Variants in ADGRV1 observed in about 807,000 individuals in gnomAD.
ADGRV1 encodes G-protein coupled receptor 98.
Under a neutral mutation model 596.2 loss-of-function variants are expected in ADGRV1, and 359 were observed. The ratio of observed to expected loss-of-function variants is 0.60; its 90% confidence interval spans 0.55 to 0.66. The LOEUF is 0.66. Among genes scored for constraint, ADGRV1 ranks in the 30% least tolerant of loss-of-function variants. The pLI is 0.00. For synonymous variants in ADGRV1, 2,681 were observed against 2,679.2 expected (o/e 1.00, Z -0.02); for missense variants, 7,274 against 7,575.6 (o/e 0.96, Z 1.48).
intron 86 of ADGRV1, among the ~76,000 whole-genome samples, chr5:91,076,213 A>G (rs1264420939): frequency 6.6e-6 from 1 of 152,202 alleles, no homozygotes; most frequent in Non-Finnish European, 1.5e-5. Flanking sequence ...GAAACTTTCA[A>G]TATTCTCCCC....
intron 83 of ADGRV1, among the ~76,000 whole-genome samples, chr5:90,894,822 G>T (rs1227705806): frequency 6.6e-6 from 1 of 152,208 alleles, no homozygotes; most frequent in East Asian, 1.9e-4. Context: ...TCCATATTAA[G>T]AAGCAATGTC....
At chr5:90,963,147 A>G (rs1243991183) in intron 83 of ADGRV1, among the ~76,000 whole-genome samples, 1 of 152,176 alleles carries the variant, frequency 6.6e-6, no homozygotes, top group Non-Finnish European at 1.5e-5. Context: ...GCTTGAATTT[A>G]TTGTATGTAA....
chr5:90,602,855 A>G (rs1373383406), intron 1 of ADGRV1, among the ~76,000 whole-genome samples: 7 of 152,256 alleles, frequency 4.6e-5, no homozygotes, highest in South Asian at 2.1e-4. Context: ...CTGGGTGGTT[A>G]AAAGATTTGT....
At chr5:90,940,757 GAC>G (rs958709318) in intron 83 of ADGRV1, among the ~76,000 whole-genome samples, 6 of 152,176 alleles carry the variant, frequency 3.9e-5, no homozygotes, top group African/African-American at 1.4e-4. Flanking sequence ...AGTTAGTAGT[GAC>G]ACAGAGAAAA....
At chr5:90,923,086 A>T (rs889665093) in intron 83 of ADGRV1, among the ~76,000 whole-genome samples, 8 of 152,212 alleles carry the variant, frequency 5.3e-5, no homozygotes, top group African/African-American at 1.4e-4. Context: ...ATTTATTTCT[A>T]TGAGAAATAG....
At chr5:91,136,094 G>T (rs1403483925) in intron 87 of ADGRV1, among the ~76,000 whole-genome samples, 1 of 152,256 alleles carries the variant, frequency 6.6e-6, no homozygotes, top group East Asian at 1.9e-4. Flanking sequence ...TGTTCAGTAT[G>T]CCTGTAGTGG....
chr5:90,604,631 T>C (rs1373301505), intron 1 of ADGRV1, among the ~76,000 whole-genome samples: 1 of 152,198 alleles, frequency 6.6e-6, no homozygotes, highest in African/African-American at 2.4e-5. Context: ...TAAGACCGCT[T>C]CATAATATGT....
chr5:91,002,074 G>C (rs1781898711), intron 85 of ADGRV1, among the ~76,000 whole-genome samples: 2 of 152,014 alleles, frequency 1.3e-5, no homozygotes, highest in African/African-American at 2.4e-5. Context: ...TCACCTTCAT[G>C]AATGCTTATA....
intron 57 of ADGRV1, among the ~76,000 whole-genome samples, chr5:90,758,210 G>A (rs1756049517): frequency 1.3e-5 from 2 of 152,104 alleles, no homozygotes; most frequent in African/African-American, 2.4e-5. Flanking sequence ...GCGGGCACCT[G>A]TAGTCCCAGC....
chr5:91,032,192 G>A (rs1309911713), intron 85 of ADGRV1, among the ~76,000 whole-genome samples: 2 of 152,200 alleles, frequency 1.3e-5, no homozygotes, highest in Non-Finnish European at 2.9e-5. Context: ...GGAGCAAGCT[G>A]GGCATGTCTG....
intron 23 of ADGRV1, 125 bp downstream of exon 23, chr5:90,674,359 A>C (rs979156669): frequency 1.5e-5 from 8 of 532,490 alleles, no homozygotes; most frequent in Non-Finnish European, 2.2e-5. Context: ...CTAATTTCTA[A>C]ACTCTTTAAC....
At position 90,692,616 on chromosome 5, in the gene ADGRV1, G is replaced by A. The variant is rs1221662650; in HGVS notation, c.6963G>A (p.Val2321=). The part of the protein sequence containing the change: ...DVPEIEEVIQ[V]QLTDASGGGT... ...CACTGTATTTTTAGGTTATCCAAGTGCAACTAACTGATGCCTCTGGTGGAG... is the reference window on the plus strand; with the variant it reads ...CACTGTATTTTTAGGTTATCCAAGTACAACTAACTGATGCCTCTGGTGGAG... Residue 2321 remains valine, a synonymous_variant, in exon 32 of 90, where the codon GTG becomes GTA. Transcript: ENST00000405460. 2 of 1,607,826 alleles carry A rather than the reference G, an allele frequency of 1.2e-6. No homozygotes were observed. The highest frequency in any genetic ancestry group is 1.1e-5 in the South Asian group (1 of 89,578).
chr5:90,809,274 A>T, intron 73 of ADGRV1, among the ~76,000 whole-genome samples: 1 of 137,898 alleles, frequency 7.3e-6, no homozygotes, highest in African/African-American at 2.7e-5. Flanking sequence ...TACAGTGCTT[A>T]CTCTAGGCCG....
intron 85 of ADGRV1, among the ~76,000 whole-genome samples, chr5:91,000,682 G>GTA (rs1781783826): frequency 6.6e-6 from 1 of 151,290 alleles, no homozygotes; most frequent in Non-Finnish European, 1.5e-5. Flanking sequence ...GTGTGTGTGT[G>GTA]TGTGTGTGTG....
At chr5:90,577,712 T>C (rs1232416071) in intron 1 of ADGRV1, among the ~76,000 whole-genome samples, 5 of 152,246 alleles carry the variant, frequency 3.3e-5, no homozygotes, top group Non-Finnish European at 7.3e-5. Context: ...TTGGGCATTA[T>C]GGCCATTTTC....
At chr5:91,002,310 A>G (rs1288817392) in intron 85 of ADGRV1, among the ~76,000 whole-genome samples, 1 of 152,150 alleles carries the variant, frequency 6.6e-6, no homozygotes, top group Non-Finnish European at 1.5e-5. Flanking sequence ...TTTCATGTTC[A>G]TAATAATCGT....
chr5:91,058,836 C>G (rs1787143605), intron 85 of ADGRV1, among the ~76,000 whole-genome samples: 1 of 152,152 alleles, frequency 6.6e-6, no homozygotes, highest in Non-Finnish European at 1.5e-5. Flanking sequence ...ATCATAATTG[C>G]ATGACTGAGT....
rs762874497 is a variant in ADGRV1, at chr5:90,933,659, T to C, written c.17857-31756T>C. 2.6e-5 allele frequency among the ~76,000 whole-genome samples: 4 copies of C among 152,268 alleles called. 1 individual carries two copies. The highest frequency in any genetic ancestry group is 2.6e-4 in the Admixed American group (4 of 15,288). ...GAATCTCTCTAACTTTTGAGTTGAT[T>C]TGGTATTCAAAAACCCTCACTATTA... On this transcript the variant is annotated intron_variant, in intron 83 of 89. Transcript: ENST00000405460.
chr5:90,907,131 C>T (rs527565926), intron 83 of ADGRV1, among the ~76,000 whole-genome samples: 4 of 152,192 alleles, frequency 2.6e-5, no homozygotes, highest in African/African-American at 9.6e-5. Context: ...ATTATGAATA[C>T]ATTACATGGT....
Sources: allele counts gnomAD v4.1 joint callset (sites outside exome capture counted in the v4.1 genomes callset), GRCh38; gene constraint gnomAD v4.1.1; transcripts MANE v1.5; gene names NCBI Gene and HGNC (gene_info 2026-07-23, HGNC 2026-07-21).